CEP85L: variants seen among roughly 807,000 people sequenced by gnomAD.
CEP85L encodes centrosomal protein of 85 kDa-like.
CEP85L carries 60 observed loss-of-function variants against 100.3 expected under a neutral mutation model. That is an observed-to-expected ratio of 0.60 (90% confidence interval 0.49 to 0.74). The LOEUF (loss-of-function observed/expected upper bound fraction) is 0.74. Ranked by LOEUF, CEP85L falls within the 30% of genes least tolerant of loss-of-function variation. The pLI, the probability that CEP85L is intolerant of heterozygous loss-of-function variation, is 0.00. For missense variants in CEP85L, 973 were observed against 936.2 expected (o/e 1.04, Z -0.51); for synonymous variants, 319 against 322.7 (o/e 0.99, Z 0.12).
Position 118,584,716 on chromosome 6 carries a change from G to T in CEP85L, c.233-18400C>A, listed in dbSNP as rs115520745. 3.1e-3 allele frequency among the ~76,000 whole-genome samples: 465 copies of T among 152,280 alleles called. 2 individuals are homozygous for T. The highest frequency in any genetic ancestry group is 0.011 in the African/African-American group (457 of 41,566). On this transcript the variant is annotated intron_variant, in intron 2 of 12. Coordinates refer to ENST00000368491, the MANE Select transcript of CEP85L (RefSeq NM_001042475.3). ...TAAAGGATGGCCAGCATGCCTCCCC[G>T]CCATTGCCTCAGTGGCTCTGTTGGT...
intron 2 of CEP85L, among the ~76,000 whole-genome samples, chr6:118,590,118 C>A (rs1017459772): frequency 6.6e-6 from 1 of 152,054 alleles, no homozygotes; most frequent in African/African-American, 2.4e-5. Context: ...TTTTCCCCAT[C>A]GCTAATGAGT....
chr6:118,680,728 T>G (rs1035781639), intron 1 of CEP85L, among the ~76,000 whole-genome samples: 1 of 151,928 alleles, frequency 6.6e-6, no homozygotes, highest in African/African-American at 2.4e-5. Context: ...ATACAAAAAT[T>G]AACTGGTTTG....
In CEP85L at chr6:118,616,196, A is replaced by G. The variant is rs565404984; in HGVS notation, c.232+16257T>C. Among the ~76,000 whole-genome samples the G allele has an allele frequency of 7.5e-4, 114 of 152,314 alleles. 2 individuals are homozygous for G. In the South Asian group the frequency reaches 0.017, roughly 22 times the overall value. The stretch of plus-strand genomic sequence containing the variant: ...CATAAAAAGCACAAACCATAAAGGG[A>G]AAAAACCAGTACAGTGAATTTCAAA... On this transcript the variant is annotated intron_variant, in intron 2 of 12. Coordinates refer to ENST00000368491, the MANE Select transcript of CEP85L (RefSeq NM_001042475.3).
intron 1 of CEP85L, among the ~76,000 whole-genome samples, chr6:118,669,732 G>C (rs776721314): frequency 9.9e-5 from 15 of 151,908 alleles, no homozygotes; most frequent in Non-Finnish European, 1.8e-4. Context: ...CTGGAGACTG[G>C]AGTTCAGGGC....
chr6:118,599,878 T>A (rs752616347), intron 2 of CEP85L, among the ~76,000 whole-genome samples: 5 of 152,068 alleles, frequency 3.3e-5, no homozygotes, highest in African/African-American at 7.2e-5. Context: ...TCAAAACTGT[T>A]AAGGTTATGA....
intron 1 of CEP85L, among the ~76,000 whole-genome samples, chr6:118,677,029 G>T (rs1020594117): frequency 6.6e-5 from 10 of 152,180 alleles, no homozygotes; most frequent in African/African-American, 2.4e-4. Context: ...TTGTTGCCTA[G>T]AAAATTATGG....
chr6:118,482,097 C>T (rs1773834385), intron 7 of CEP85L, among the ~76,000 whole-genome samples, 164 bp from the exon 8 acceptor site: 1 of 151,044 alleles, frequency 6.6e-6, no homozygotes, highest in Non-Finnish European at 1.5e-5. Flanking sequence ...CCATCTCTTC[C>T]TCTGTGTGAA....
intron 4 of CEP85L, among the ~76,000 whole-genome samples, chr6:118,511,898 A>G (rs1428704498): frequency 6.6e-6 from 1 of 152,046 alleles, no homozygotes; most frequent in Admixed American, 6.6e-5. Flanking sequence ...AAAACATTAA[A>G]TAGGAGATAA....
At chr6:118,593,177 G>A (rs1187584334) in intron 2 of CEP85L, among the ~76,000 whole-genome samples, 4 of 152,038 alleles carry the variant, frequency 2.6e-5, no homozygotes, top group Non-Finnish European at 5.9e-5. Context: ...AAAATAGAGG[G>A]TTTGAAGGAT....
At chr6:118,488,881 AG>A (rs1489891183) in intron 6 of CEP85L, among the ~76,000 whole-genome samples, 1 of 152,258 alleles carries the variant, frequency 6.6e-6, no homozygotes, top group East Asian at 1.9e-4. Context: ...AATTTTGCAG[AG>A]AAAGTGGGAT....
chr6:118,649,411 A>G (rs1011095904), intron 1 of CEP85L, among the ~76,000 whole-genome samples: 2 of 152,204 alleles, frequency 1.3e-5, no homozygotes, highest in Admixed American at 1.3e-4. Context: ...AGGCTGCAAC[A>G]TAACAAAGTC....
intron 2 of CEP85L, among the ~76,000 whole-genome samples, chr6:118,569,917 A>T (rs1779785419): frequency 6.6e-6 from 1 of 152,190 alleles, no homozygotes; most frequent in South Asian, 2.1e-4. Flanking sequence ...TACATTCTCT[A>T]TCATATTCAG....
intron 2 of CEP85L, among the ~76,000 whole-genome samples, chr6:118,590,883 T>A (rs1005724996): frequency 6.6e-6 from 1 of 152,174 alleles, no homozygotes; most frequent in Non-Finnish European, 1.5e-5. Flanking sequence ...CATGTGTCCG[T>A]GTCGTTTTAT....
intron 1 of CEP85L, among the ~76,000 whole-genome samples, chr6:118,641,452 TG>T (rs1168776534): frequency 6.6e-6 from 1 of 152,250 alleles, no homozygotes; most frequent in Non-Finnish European, 1.5e-5. Flanking sequence ...CATTAAATTT[TG>T]CTATAATATT....
intron 7 of CEP85L, among the ~76,000 whole-genome samples, chr6:118,482,914 G>GTAAC (rs1333482171): frequency 6.6e-6 from 1 of 152,138 alleles, no homozygotes; most frequent in African/African-American, 2.4e-5. Flanking sequence ...TTGAGTGGGG[G>GTAAC]TAACTTTACC....
At chr6:118,679,817 A>T (rs1776593623) in intron 1 of CEP85L, among the ~76,000 whole-genome samples, 1 of 151,342 alleles carries the variant, frequency 6.6e-6, no homozygotes, top group Non-Finnish European at 1.5e-5. Flanking sequence ...TTGAAATCAC[A>T]TTTTTTTTTA....
intron 3 of CEP85L, among the ~76,000 whole-genome samples, chr6:118,547,707 T>G (rs1176440265): frequency 6.6e-6 from 1 of 152,152 alleles, no homozygotes; most frequent in East Asian, 1.9e-4. Context: ...TTAAATACAT[T>G]TATTAGTTCT....
At chr6:118,555,531 A>G (rs1583037989) in intron 3 of CEP85L, among the ~76,000 whole-genome samples, 1 of 152,194 alleles carries the variant, frequency 6.6e-6, no homozygotes, top group African/African-American at 2.4e-5. Context: ...GCAAATATCA[A>G]CATAAGCAAC....
intron 1 of CEP85L, among the ~76,000 whole-genome samples, chr6:118,703,223 TTTTC>T (rs1415373550): frequency 1.3e-5 from 2 of 152,136 alleles, no homozygotes; most frequent in South Asian, 2.1e-4. Flanking sequence ...TTTGCTTATT[TTTTC>T]TTTCTTTTTG....
Sources: gnomAD v4.1 joint callset for allele counts (sites outside exome capture counted in the v4.1 genomes callset) on GRCh38, gnomAD v4.1.1 for gene constraint, MANE v1.5 for transcripts, NCBI Gene and HGNC (gene_info 2026-07-23, HGNC 2026-07-21) for gene names.